The following SLC35F1 variants were observed in gnomAD, a reference collection of about 807,000 sequenced individuals.
SLC35F1 encodes solute carrier family 35 member F1, also known as chromosome 6 open reading frame 169.
SLC35F1 carries 14 observed loss-of-function variants against 48.7 expected under a neutral mutation model. The observed-to-expected ratio is 0.29, with a 90% CI of 0.19 to 0.45. SLC35F1 has a LOEUF of 0.45. SLC35F1 is among the 20% of genes least tolerant of loss of function. The probability of loss-of-function intolerance (pLI) is 1.00; values close to 1 mark genes in which losing one functional copy is unlikely to be tolerated. For synonymous variants in SLC35F1, 190 were observed against 202.2 expected (o/e 0.94, Z 0.51); for missense variants, 404 against 500.0 (o/e 0.81, Z 1.83).
In SLC35F1 at chr6:118,235,593, T is replaced by C; in HGVS notation, c.434T>C (p.Leu145Pro). ...LGLIDLEANY[L>P]VVKAYQYTTL... ...CTCATAGACCTGGAAGCAAATTATC[T>C]GGTGGTCAAGGCTTACCAATACACA... Residue 145 changes from leucine to proline, a missense_variant, in exon 3 of 8, where the codon CTG becomes CCG. Transcript: ENST00000360388. The C allele has an allele frequency of 6.2e-7, 1 of 1,613,600 alleles. No individual in the cohort carries two copies. Among genetic ancestry groups the C allele is most frequent in the Non-Finnish European group, 8.5e-7 (1 of 1,179,710 alleles).
At chr6:118,073,317 C>T (rs1363161254) in intron 1 of SLC35F1, among the ~76,000 whole-genome samples, 2 of 152,200 alleles carry the variant, frequency 1.3e-5, no homozygotes, top group Non-Finnish European at 2.9e-5. Context: ...CTTGGTTCTA[C>T]TGCTGTGAAC....
chr6:118,266,221 T>C (rs1296191714), intron 3 of SLC35F1, among the ~76,000 whole-genome samples: 1 of 152,176 alleles, frequency 6.6e-6, no homozygotes, highest in East Asian at 1.9e-4. Context: ...GTCTTCTCAT[T>C]TCACCACATT....
intron 1 of SLC35F1, among the ~76,000 whole-genome samples, chr6:117,941,409 AG>A (rs1396915995): frequency 1.3e-5 from 2 of 152,202 alleles, no homozygotes; most frequent in Admixed American, 1.3e-4. Flanking sequence ...TCTATGATCA[AG>A]ATAGACAGGC....
intron 2 of SLC35F1, among the ~76,000 whole-genome samples, chr6:118,202,868 A>G (rs1774888990): frequency 6.6e-6 from 1 of 152,232 alleles, no homozygotes; most frequent in South Asian, 2.1e-4. Context: ...ATTTGAGCTG[A>G]GACCTGAATA....
intron 2 of SLC35F1, among the ~76,000 whole-genome samples, chr6:118,218,233 A>T: frequency 6.6e-6 from 1 of 152,188 alleles, no homozygotes; most frequent in East Asian, 1.9e-4. Flanking sequence ...TCTTAATGTC[A>T]TTTGACATTA....
intron 1 of SLC35F1, among the ~76,000 whole-genome samples, chr6:117,997,909 AATT>A (rs1777020454): frequency 6.6e-6 from 1 of 152,130 alleles, no homozygotes; most frequent in South Asian, 2.1e-4. Flanking sequence ...GACAGGATCA[AATT>A]CACACACAAC....
chr6:118,284,472 G>A (rs1344342545), intron 6 of SLC35F1, among the ~76,000 whole-genome samples: 1 of 152,126 alleles, frequency 6.6e-6, no homozygotes, highest in Admixed American at 6.5e-5. Flanking sequence ...GAGAAAGAGA[G>A]AGATTTGAGG....
intron 1 of SLC35F1, among the ~76,000 whole-genome samples, chr6:118,117,643 G>T (rs1773492290): frequency 6.6e-6 from 1 of 151,964 alleles, no homozygotes; most frequent in African/African-American, 2.4e-5. Context: ...TGATGAATTT[G>T]CATAATTATA....
chr6:118,278,500 G>A (rs1450768878), intron 6 of SLC35F1, among the ~76,000 whole-genome samples: 1 of 152,152 alleles, frequency 6.6e-6, no homozygotes, highest in Non-Finnish European at 1.5e-5. Context: ...CCAACTTACT[G>A]CAGACATCAT....
At chr6:118,230,513 G>A (rs1775278975) in intron 2 of SLC35F1, among the ~76,000 whole-genome samples, 1 of 152,122 alleles carries the variant, frequency 6.6e-6, no homozygotes, top group South Asian at 2.1e-4. Flanking sequence ...AGACAACAAG[G>A]ATGCATTTCT....
intron 1 of SLC35F1, among the ~76,000 whole-genome samples, chr6:117,912,388 T>C (rs1033217650): frequency 6.6e-6 from 1 of 152,254 alleles, no homozygotes; most frequent in Non-Finnish European, 1.5e-5. Flanking sequence ...TATGTGTACA[T>C]AGCCTTTCTG....
intron 2 of SLC35F1, among the ~76,000 whole-genome samples, chr6:118,181,866 G>C (rs1457137965): frequency 6.6e-6 from 1 of 152,066 alleles, no homozygotes; most frequent in Non-Finnish European, 1.5e-5. Context: ...TTAAATTTTA[G>C]TTAGAGTTAA....
At chr6:118,075,004 A>T (rs904400799) in intron 1 of SLC35F1, among the ~76,000 whole-genome samples, 6 of 152,190 alleles carry the variant, frequency 3.9e-5, no homozygotes, top group African/African-American at 1.4e-4. Flanking sequence ...TTTGCTACAC[A>T]AGTGCCAAAA....
intron 1 of SLC35F1, among the ~76,000 whole-genome samples, chr6:117,963,456 G>T (rs557620251): frequency 6.6e-6 from 1 of 151,620 alleles, no homozygotes; most frequent in Non-Finnish European, 1.5e-5. Context: ...TTACATGTGC[G>T]CATTCTAAGG....
intron 2 of SLC35F1, among the ~76,000 whole-genome samples, chr6:118,209,137 T>C (rs370703446): frequency 6.6e-6 from 1 of 152,216 alleles, no homozygotes; most frequent in Non-Finnish European, 1.5e-5. Context: ...TGCTATTAGA[T>C]CATTCCCTCT....
intron 1 of SLC35F1, among the ~76,000 whole-genome samples, chr6:118,085,380 A>G (rs1772971990): frequency 6.6e-6 from 1 of 151,934 alleles, no homozygotes; most frequent in East Asian, 1.9e-4. Flanking sequence ...CCTTCTCACA[A>G]ATTCATTAGT....
chr6:118,201,046 G>A (rs1205787601), intron 2 of SLC35F1, among the ~76,000 whole-genome samples: 1 of 151,858 alleles, frequency 6.6e-6, no homozygotes, highest in Non-Finnish European at 1.5e-5. Flanking sequence ...CAAGTAGCTG[G>A]GACTACAGGT....
chr6:118,307,480 AAG>A (rs1776325073), intron 7 of SLC35F1, among the ~76,000 whole-genome samples: 1 of 152,212 alleles, frequency 6.6e-6, no homozygotes, highest in Admixed American at 6.5e-5. Context: ...AAAAAAGAAA[AAG>A]AGGAGAAATA....
In SLC35F1 at chr6:118,070,851, TAC is replaced by T. The variant is rs371607470; in HGVS notation, c.174-83590_174-83589del. ...TATACATATATTCTATGTATATATA[TAC>T]ACATAGGATATATATACTATGTATA... is the stretch of plus-strand genomic sequence containing the variant. On this transcript the variant is annotated intron_variant, in intron 1 of 7. Coordinates refer to ENST00000360388, the MANE Select transcript of SLC35F1 (RefSeq NM_001029858.4). Among the ~76,000 whole-genome samples the T allele has an allele frequency of 8.5e-3, 1,232 of 145,398 alleles. 14 individuals carry two copies. The highest frequency in any genetic ancestry group is 0.034 in the South Asian group (158 of 4,702).
Sources: gnomAD v4.1 joint callset for allele counts (sites outside exome capture counted in the v4.1 genomes callset) on GRCh38, gnomAD v4.1.1 for gene constraint, MANE v1.5 for transcripts, NCBI Gene and HGNC (gene_info 2026-07-23, HGNC 2026-07-21) for gene names.